Variants in ERC1 observed in about 807,000 individuals in gnomAD.
The protein encoded by ERC1 is ELKS/RAB6-interacting/CAST family member 1, also known as RAB6 interacting protein 2.
In ERC1, 56 loss-of-function variants were observed where a neutral mutation model predicts 132.0. The ratio of observed to expected loss-of-function variants is 0.42; its 90% confidence interval spans 0.34 to 0.53. The LOEUF is 0.53. Among genes scored for constraint, ERC1 ranks in the 20% least tolerant of loss-of-function variants. The probability of loss-of-function intolerance (pLI) is 0.03; values close to 1 mark genes in which losing one functional copy is unlikely to be tolerated. For missense variants in ERC1, 1,202 were observed against 1,349.9 expected (o/e 0.89, Z 1.72); for synonymous variants, 478 against 476.1 (o/e 1.00, Z -0.05).
intron 13 of ERC1, among the ~76,000 whole-genome samples, chr12:1,241,841 CTTCTTCTTT>C: frequency 9.2e-6 from 1 of 108,736 alleles, no homozygotes; most frequent in African/African-American, 3.7e-5. Flanking sequence ...TGCATTTCTT[CTTCTTCTTT>C]TTTTTTTTTT....
intron 14 of ERC1, among the ~76,000 whole-genome samples, chr12:1,278,571 A>C (rs1488219992): frequency 6.6e-6 from 1 of 152,198 alleles, no homozygotes; most frequent in Non-Finnish European, 1.5e-5. Context: ...TAGCCCTTTT[A>C]ATGGAATCAG....
At chr12:1,440,597 CT>C (rs1393877518) in intron 17 of ERC1, among the ~76,000 whole-genome samples, 1 of 111,610 alleles carries the variant, frequency 9.0e-6, no homozygotes, top group African/African-American at 5.2e-5. Flanking sequence ...CTGCCTCAGC[CT>C]TTTGTGTGTG....
chr12:1,320,242 C>G (rs979015634), intron 15 of ERC1, among the ~76,000 whole-genome samples: 3 of 152,096 alleles, frequency 2.0e-5, no homozygotes, highest in African/African-American at 7.2e-5. Flanking sequence ...GTTGCTGGGT[C>G]AAAACATAAT....
At chr12:1,093,979 A>ATTTT (rs1565949554) in intron 3 of ERC1, among the ~76,000 whole-genome samples, 1 of 127,696 alleles carries the variant, frequency 7.8e-6, no homozygotes, top group African/African-American at 2.9e-5. Flanking sequence ...ATATATATAT[A>ATTTT]TATATAGAAA....
intron 11 of ERC1, among the ~76,000 whole-genome samples, chr12:1,188,301 C>T (rs1238549405): frequency 1.3e-5 from 2 of 152,142 alleles, no homozygotes; most frequent in African/African-American, 2.4e-5. Flanking sequence ...GTAATATGAT[C>T]AGCTTTCTAT....
At chr12:996,249 CTTTTTTTT>C (rs35403554) in intron 1 of ERC1, among the ~76,000 whole-genome samples, 41 of 43,766 alleles carry the variant, frequency 9.4e-4, no homozygotes, top group South Asian at 5.8e-3. Flanking sequence ...CCATGCCTGG[CTTTTTTTT>C]TTTTTTTTTT....
At position 1,492,655 on chromosome 12, in the gene ERC1, G is replaced by T. The variant is rs578184818; in HGVS notation, c.*2425G>T. 1 of 232,848 alleles carries T rather than the reference G, an allele frequency of 4.3e-6. No individual in the cohort carries two copies. The highest frequency in any genetic ancestry group is 8.5e-6 in the Non-Finnish European group (1 of 117,848). 14.4% of individuals were successfully genotyped at this position (232,848 alleles called of 1,614,324 possible). A position where few individuals can be genotyped will look rare whatever the true frequency, so the allele number is the denominator to read the frequency against. ...ACTGCTTCTGAGAAGAAGCATTTCCGGGACCGATATCATCTGTCTGGTCTC... is the reference window on the plus strand; with the variant it reads ...ACTGCTTCTGAGAAGAAGCATTTCCTGGACCGATATCATCTGTCTGGTCTC... On this transcript the variant is annotated 3_prime_UTR_variant, in exon 19 of 19. Transcript: ENST00000360905.
chr12:1,313,601 A>G (rs1245149809), intron 15 of ERC1, among the ~76,000 whole-genome samples: 5 of 152,242 alleles, frequency 3.3e-5, no homozygotes, highest in Non-Finnish European at 7.3e-5. Flanking sequence ...AATTGTACAA[A>G]AAATTGAAAA....
chr12:1,091,069 A>G (rs943769497), intron 3 of ERC1, among the ~76,000 whole-genome samples: 30 of 151,984 alleles, frequency 2.0e-4, no homozygotes, highest in Admixed American at 1.4e-3. Context: ...TTGTATTTTT[A>G]GTAGAGATGG....
intron 12 of ERC1, among the ~76,000 whole-genome samples, chr12:1,191,115 G>A (rs1955686483): frequency 6.6e-6 from 1 of 151,886 alleles, no homozygotes; most frequent in Non-Finnish European, 1.5e-5. Context: ...TAAATAACAC[G>A]GGCTGATTAC....
At chr12:1,057,600 T>G (rs1376920574) in intron 2 of ERC1, among the ~76,000 whole-genome samples, 1 of 145,326 alleles carries the variant, frequency 6.9e-6, no homozygotes, top group Non-Finnish European at 1.5e-5. Context: ...TTTTTTTTTT[T>G]TTTTTTTTTT....
At chr12:1,406,263 C>T (rs2091482060) in intron 16 of ERC1, among the ~76,000 whole-genome samples, 1 of 152,134 alleles carries the variant, frequency 6.6e-6, no homozygotes, top group South Asian at 2.1e-4. Flanking sequence ...TAAACTCAGG[C>T]AATTTGGCTC....
At chr12:1,029,599 A>G (rs1193354187) in intron 2 of ERC1, among the ~76,000 whole-genome samples, 1 of 152,190 alleles carries the variant, frequency 6.6e-6, no homozygotes, top group Non-Finnish European at 1.5e-5. Flanking sequence ...CATTAGCTAC[A>G]GGAAATATTC....
At chr12:1,152,880 G>A (rs1240210393) in intron 8 of ERC1, 1 of 153,106 alleles carries the variant, frequency 6.5e-6, no homozygotes, top group East Asian at 1.9e-4. Context: ...GAGGAAGATG[G>A]TGGTAAGCAG....
chr12:1,341,058 CTTTTCTTTTTCTTT>C (rs2083793607), intron 15 of ERC1, among the ~76,000 whole-genome samples: 2 of 54,236 alleles, frequency 3.7e-5, no homozygotes, highest in African/African-American at 6.1e-5. Context: ...TCCACTTATT[CTTTTCTTTTTCTTT>C]TTTTTTTTTT....
intron 2 of ERC1, among the ~76,000 whole-genome samples, chr12:1,057,328 T>C (rs1973151419): frequency 6.6e-6 from 1 of 152,056 alleles, no homozygotes; most frequent in Admixed American, 6.5e-5. Context: ...TTCGCCCTGT[T>C]GGCCAGGGTG....
intron 8 of ERC1, among the ~76,000 whole-genome samples, chr12:1,163,748 C>T (rs1952089653): frequency 6.6e-6 from 1 of 152,162 alleles, no homozygotes; most frequent in South Asian, 2.1e-4. Context: ...TAGAGTCTCA[C>T]TCTGTCACCC....
chr12:1,270,358 C>T (rs1017365620), intron 14 of ERC1, among the ~76,000 whole-genome samples: 1 of 152,108 alleles, frequency 6.6e-6, no homozygotes, highest in African/African-American at 2.4e-5. Context: ...AAGGTGCCCA[C>T]CACCACGCCT....
At chr12:1,444,819 G>C in intron 18 of ERC1, 69 bp downstream of exon 18, 1 of 1,447,796 alleles carries the variant, frequency 6.9e-7, no homozygotes, top group Non-Finnish European at 9.5e-7. Context: ...TGATGCAGTG[G>C]GGGCTACCTT....
Sources: gnomAD v4.1 joint callset for allele counts (sites outside exome capture counted in the v4.1 genomes callset) on GRCh38, gnomAD v4.1.1 for gene constraint, MANE v1.5 for transcripts, NCBI Gene and HGNC (gene_info 2026-07-23, HGNC 2026-07-21) for gene names.